Variants in CNTN5 observed in about 807,000 individuals in gnomAD.
CNTN5 encodes contactin 5.
A neutral mutation model predicts 129.1 loss-of-function variants in CNTN5; 77 were observed. That is an observed-to-expected ratio of 0.60 (90% CI 0.50 to 0.72). CNTN5 has a LOEUF of 0.72. Among genes scored for constraint, CNTN5 ranks in the 30% least tolerant of loss-of-function variants. CNTN5 has a pLI of 0.00. For synonymous variants in CNTN5, 509 were observed against 465.6 expected (o/e 1.09, Z -1.20); for missense variants, 1,478 against 1,328.8 (o/e 1.11, Z -1.75).
chr11:99,549,371 T>C (rs1346632312), intron 2 of CNTN5, among the ~76,000 whole-genome samples: 1 of 152,166 alleles, frequency 6.6e-6, no homozygotes, highest in Non-Finnish European at 1.5e-5. Flanking sequence ...CTTAGACATA[T>C]GGATTCTCCT....
chr11:99,308,572 T>G (rs947041876), intron 1 of CNTN5, among the ~76,000 whole-genome samples: 8 of 152,104 alleles, frequency 5.3e-5, no homozygotes, highest in African/African-American at 1.9e-4. Flanking sequence ...AAGAAAATAT[T>G]AAAATACCAA....
intron 13 of CNTN5, among the ~76,000 whole-genome samples, chr11:100,126,534 CTTCTCTG>C (rs1426464761): frequency 9.2e-6 from 1 of 108,884 alleles, no homozygotes; most frequent in Non-Finnish European, 2.2e-5. Context: ...ATGTATTGTC[CTTCTCTG>C]TCTTTTTTTT....
intron 1 of CNTN5, among the ~76,000 whole-genome samples, chr11:99,035,367 G>T (rs1200393576): frequency 1.3e-5 from 2 of 152,032 alleles, no homozygotes; most frequent in African/African-American, 4.8e-5. Flanking sequence ...GCTGACAGTG[G>T]GGTGTTAAAG....
chr11:99,629,468 T>G (rs1951256517), intron 3 of CNTN5, among the ~76,000 whole-genome samples: 1 of 152,058 alleles, frequency 6.6e-6, no homozygotes, highest in Non-Finnish European at 1.5e-5. Flanking sequence ...GGTCTTATTA[T>G]CCTACAGTTA....
At chr11:99,303,237 G>A (rs571183308) in intron 1 of CNTN5, among the ~76,000 whole-genome samples, 15 of 151,582 alleles carry the variant, frequency 9.9e-5, no homozygotes, top group African/African-American at 3.6e-4. Context: ...TAAATGTTAG[G>A]AAAATGTTAT....
chr11:99,314,521 G>C (rs927227169), intron 1 of CNTN5, among the ~76,000 whole-genome samples: 3 of 152,016 alleles, frequency 2.0e-5, no homozygotes, highest in Admixed American at 2.0e-4. Flanking sequence ...TAAATAGTGA[G>C]AGATTTTACT....
At position 100,255,908 on chromosome 11, in the gene CNTN5, A is replaced by C. The variant is rs1344548357; in HGVS notation, c.2154A>C (p.Thr718=). The C allele has an allele frequency of 6.2e-7, 1 of 1,613,942 alleles. No individual in the cohort carries two copies. The highest frequency in any genetic ancestry group is 8.5e-7 in the Non-Finnish European group (1 of 1,179,850). ...ARSPFSLGWQ[T]VKTVPEIITG... ...GCCCATTTTCCCTGGGCTGGCAAAC[A>C]GTAAAGACAGGTAAGAGGCACTAAA... The change falls in exon 17 of 25, where the codon ACA becomes ACC. Residue 718 remains threonine (T), a synonymous_variant. Transcript: ENST00000524871.
chr11:99,637,010 C>CAAAAAAAAAAAA lies in CNTN5; in HGVS notation c.55+80761_55+80772dup, dbSNP rs869133131. 9.8e-3 allele frequency among the ~76,000 whole-genome samples: 77 copies of CAAAAAAAAAAAA among 7,820 alleles called. 27 individuals carry two copies. The highest frequency in any genetic ancestry group is 0.019 in the Non-Finnish European group (57 of 2,950). The allele number at this position is 7,820 out of a possible 152,430, so 5.1% of individuals were successfully genotyped here. On this transcript the variant is annotated intron_variant, in intron 3 of 24. Transcript: ENST00000524871. ...CCTGGTGACAGAGCTAACTTTGTCTCAAAAAAAAAAAAAAAAAAAAAAAAA... is the reference window on the plus strand; with the variant it reads ...CCTGGTGACAGAGCTAACTTTGTCTCAAAAAAAAAAAAAAAAAAAAAAAAAAAAAAAAAAAAA...
At chr11:99,426,399 T>A (rs533235607) in intron 2 of CNTN5, among the ~76,000 whole-genome samples, 8 of 152,352 alleles carry the variant, frequency 5.3e-5, no homozygotes, top group African/African-American at 1.7e-4. Context: ...AGACTCACTT[T>A]CATAAACAAT....
intron 1 of CNTN5, among the ~76,000 whole-genome samples, chr11:99,191,923 C>A (rs1858663416): frequency 6.6e-6 from 1 of 150,914 alleles, no homozygotes; most frequent in Non-Finnish European, 1.5e-5. Context: ...TAAGTTAAGC[C>A]CAAAGTTAGA....
chr11:99,589,230 T>C (rs952098913), intron 3 of CNTN5, among the ~76,000 whole-genome samples: 1 of 152,164 alleles, frequency 6.6e-6, no homozygotes, highest in Non-Finnish European at 1.5e-5. Flanking sequence ...AATAACAAGA[T>C]GGGAATAAGC....
At chr11:99,393,221 C>T (rs1267614675) in intron 2 of CNTN5, among the ~76,000 whole-genome samples, 4 of 151,796 alleles carry the variant, frequency 2.6e-5, no homozygotes, top group Non-Finnish European at 4.4e-5. Context: ...ACGGCACAAA[C>T]TCAGGTTACA....
intron 7 of CNTN5, among the ~76,000 whole-genome samples, chr11:99,940,011 C>A (rs892852348): frequency 1.6e-4 from 24 of 152,096 alleles, no homozygotes; most frequent in African/African-American, 4.8e-4. Context: ...AGTTCTCAAC[C>A]AGGAATGATT....
intron 10 of CNTN5, among the ~76,000 whole-genome samples, chr11:100,069,158 A>T (rs1943805450): frequency 6.6e-6 from 1 of 151,372 alleles, no homozygotes; most frequent in Admixed American, 6.6e-5. Flanking sequence ...TTTATTTTTT[A>T]TTTTTCTTTT....
intron 9 of CNTN5, among the ~76,000 whole-genome samples, chr11:100,051,580 T>G (rs1012556753): frequency 2.0e-5 from 3 of 151,854 alleles, no homozygotes; most frequent in Non-Finnish European, 4.4e-5. Flanking sequence ...ATGAAATTAA[T>G]TTAAGATGAA....
intron 1 of CNTN5, among the ~76,000 whole-genome samples, chr11:99,089,150 A>G (rs1373354878): frequency 6.6e-6 from 1 of 152,148 alleles, no homozygotes. Context: ...TGTATTCAAC[A>G]TAGCAGGCCT....
At chr11:99,391,873 AT>A (rs1941279882) in intron 2 of CNTN5, among the ~76,000 whole-genome samples, 1 of 152,016 alleles carries the variant, frequency 6.6e-6, no homozygotes, top group African/African-American at 2.4e-5. Context: ...TGTTAATCAT[AT>A]GCTGATTACC....
chr11:99,064,150 G>C (rs1397086102), intron 1 of CNTN5, among the ~76,000 whole-genome samples: 1 of 152,064 alleles, frequency 6.6e-6, no homozygotes, highest in African/African-American at 2.4e-5. Flanking sequence ...CATTTGTTTA[G>C]TTGGTTAGTT....
chr11:100,238,330 A>AT (rs1337028036), intron 16 of CNTN5, among the ~76,000 whole-genome samples: 1 of 141,616 alleles, frequency 7.1e-6, no homozygotes, highest in Non-Finnish European at 1.5e-5. Context: ...CCAGGATGGG[A>AT]TTTTATTCTC....
Sources: allele counts gnomAD v4.1 joint callset (sites outside exome capture counted in the v4.1 genomes callset), GRCh38; gene constraint gnomAD v4.1.1; transcripts MANE v1.5; gene names NCBI Gene and HGNC (gene_info 2026-07-23, HGNC 2026-07-21).